APBB1IP: variants seen among roughly 807,000 people sequenced by gnomAD.
APBB1IP encodes the protein amyloid beta A4 precursor protein-binding family B member 1-interacting protein.
In APBB1IP, 27 loss-of-function variants were observed where a neutral mutation model predicts 64.9. That is an observed-to-expected ratio of 0.42 (90% CI 0.31 to 0.57). The LOEUF (loss-of-function observed/expected upper bound fraction) is 0.57, where lower values mean the gene tolerates loss of function less well. APBB1IP is among the 20% of genes least tolerant of loss of function. The pLI is 0.20. For synonymous variants in APBB1IP, 392 were observed against 331.0 expected (o/e 1.18, Z -2.00); for missense variants, 812 against 845.5 (o/e 0.96, Z 0.49).
chr10:26,546,940 A>T (rs780153875), intron 11 of APBB1IP, among the ~76,000 whole-genome samples: 4 of 152,218 alleles, frequency 2.6e-5, no homozygotes, highest in Non-Finnish European at 5.9e-5. Context: ...ATCATATGGT[A>T]GATGTATTTT....
At chr10:26,478,324 CA>C (rs1428915761) in intron 2 of APBB1IP, among the ~76,000 whole-genome samples, 2 of 152,074 alleles carry the variant, frequency 1.3e-5, no homozygotes, top group Non-Finnish European at 2.9e-5. Context: ...AGATAAAATC[CA>C]AGGGGCCAGT....
At position 26,547,396 on chromosome 10, in the gene APBB1IP, G is replaced by A. The variant is rs138172502; in HGVS notation, c.1155+5704G>A. On this transcript the variant is annotated intron_variant, in intron 11 of 14. Transcript: ENST00000376236. ...GTTTTCCTTGCTAGGCAGATTCACCGTTTTGGGTCTTTCTTTTTGTTGGTT... is the reference window on the plus strand; with the variant it reads ...GTTTTCCTTGCTAGGCAGATTCACCATTTTGGGTCTTTCTTTTTGTTGGTT... 3.4e-3 allele frequency among the ~76,000 whole-genome samples: 523 copies of A among 151,848 alleles called. 3 individuals are homozygous for A. The highest frequency in any genetic ancestry group is 5.5e-3 in the Non-Finnish European group (373 of 67,874).
chr10:26,498,952 A>G (rs1006303662), intron 4 of APBB1IP, among the ~76,000 whole-genome samples: 1 of 152,158 alleles, frequency 6.6e-6, no homozygotes, highest in Non-Finnish European at 1.5e-5. Flanking sequence ...AAACACTGCT[A>G]AAACAAGTTC....
At chr10:26,484,267 T>A (rs748075148) in intron 2 of APBB1IP, among the ~76,000 whole-genome samples, 54 of 152,290 alleles carry the variant, frequency 3.5e-4, no homozygotes, top group Middle Eastern at 3.4e-3. Flanking sequence ...AAGTTTTTTA[T>A]TTCATGCAGA....
At chr10:26,488,390 C>A (rs143063020) in intron 2 of APBB1IP, among the ~76,000 whole-genome samples, 1 of 152,058 alleles carries the variant, frequency 6.6e-6, no homozygotes, top group African/African-American at 2.4e-5. Context: ...CACGTGCCCC[C>A]ACACCTGGCT....
At chr10:26,539,238 C>A (rs1836666762) in intron 10 of APBB1IP, among the ~76,000 whole-genome samples, 1 of 151,904 alleles carries the variant, frequency 6.6e-6, no homozygotes, top group South Asian at 2.1e-4. Flanking sequence ...TAGGGAGACC[C>A]TGTCTGTACA....
chr10:26,447,034 T>A (rs1835407457), intron 2 of APBB1IP, among the ~76,000 whole-genome samples: 1 of 151,958 alleles, frequency 6.6e-6, no homozygotes, highest in African/African-American at 2.4e-5. Context: ...AGGACAGATA[T>A]TATGGGGGGA....
intron 2 of APBB1IP, among the ~76,000 whole-genome samples, chr10:26,479,603 A>G (rs1835812646): frequency 6.6e-6 from 1 of 152,208 alleles, no homozygotes; most frequent in Non-Finnish European, 1.5e-5. Flanking sequence ...AAAAAAAACA[A>G]TAAAAATAAA....
chr10:26,465,200 G>A (rs1329171092), intron 2 of APBB1IP, among the ~76,000 whole-genome samples: 1 of 152,214 alleles, frequency 6.6e-6, no homozygotes, highest in Non-Finnish European at 1.5e-5. Flanking sequence ...CCATAGGAAA[G>A]TGTGTGTCAG....
At position 26,562,342 on chromosome 10, in the gene APBB1IP, C is replaced by T. The variant is rs1836983867; in HGVS notation, c.1386C>T (p.Thr462=). The T allele has an allele frequency of 2.5e-6, 4 of 1,613,782 alleles. No individual in the cohort carries two copies. The highest frequency in any genetic ancestry group is 3.4e-6 in the Non-Finnish European group (4 of 1,179,816). The change falls in exon 14 of 15, where the codon ACC becomes ACT. Residue 462 remains threonine, a synonymous_variant. Transcript: ENST00000376236. ...AQPSTGPKTG[T]TQPNGQIPQA... ...CCCTCTCAGGACCTAAAACAGGCAC[C>T]ACCCAGCCCAATGGACAGATTCCCC...
intron 8 of APBB1IP, among the ~76,000 whole-genome samples, chr10:26,523,398 GTCT>G (rs1219357766): frequency 3.3e-5 from 5 of 152,200 alleles, no homozygotes; most frequent in Non-Finnish European, 5.9e-5. Context: ...TTTGTGATGA[GTCT>G]TCTTCTTTCT....
At chr10:26,443,307 C>T (rs1174629351) in intron 2 of APBB1IP, among the ~76,000 whole-genome samples, 1 of 151,794 alleles carries the variant, frequency 6.6e-6, no homozygotes, top group Admixed American at 6.6e-5. Context: ...GCCTGTAATC[C>T]CAGCCACTCG....
intron 10 of APBB1IP, among the ~76,000 whole-genome samples, chr10:26,540,120 GTA>G (rs1836679270): frequency 6.6e-6 from 1 of 152,160 alleles, no homozygotes; most frequent in African/African-American, 2.4e-5. Flanking sequence ...CACATGCACA[GTA>G]TTTTTTGTAA....
chr10:26,443,154 G>A (rs1456284464), intron 2 of APBB1IP, among the ~76,000 whole-genome samples: 1 of 152,166 alleles, frequency 6.6e-6, no homozygotes, highest in African/African-American at 2.4e-5. Flanking sequence ...GGGCGTGGTG[G>A]CTCACACTGG....
At chr10:26,513,439 C>T (rs1360273715) in intron 7 of APBB1IP, 100 bp from the exon 8 acceptor site, 14 of 1,331,598 alleles carry the variant, frequency 1.1e-5, no homozygotes, top group Non-Finnish European at 1.0e-6. Context: ...TCCCAGGCAC[C>T]TGATGAAAGT....
At chr10:26,558,983 G>T (rs1250624870) in intron 11 of APBB1IP, among the ~76,000 whole-genome samples, 1 of 152,170 alleles carries the variant, frequency 6.6e-6, no homozygotes, top group Non-Finnish European at 1.5e-5. Flanking sequence ...CCATCTGGAA[G>T]CCACTGGCCC....
At chr10:26,559,643 A>G (rs1180026577) in intron 11 of APBB1IP, among the ~76,000 whole-genome samples, 1 of 145,994 alleles carries the variant, frequency 6.8e-6, no homozygotes, top group East Asian at 2.0e-4. Flanking sequence ...TTTTTTTGAG[A>G]CAGAGTCTTG....
At chr10:26,538,681 T>C (rs1245529015) in intron 10 of APBB1IP, among the ~76,000 whole-genome samples, 1 of 150,908 alleles carries the variant, frequency 6.6e-6, no homozygotes, top group Non-Finnish European at 1.5e-5. Context: ...AAAAGAAAGG[T>C]ACCATGTTGC....
chr10:26,558,519 G>A (rs963301893), intron 11 of APBB1IP, among the ~76,000 whole-genome samples: 4 of 151,624 alleles, frequency 2.6e-5, no homozygotes, highest in Non-Finnish European at 5.9e-5. Context: ...GGTGGTTCAC[G>A]CATGTAATCC....
Sources: gnomAD v4.1 joint callset for allele counts (sites outside exome capture counted in the v4.1 genomes callset) on GRCh38, gnomAD v4.1.1 for gene constraint, MANE v1.5 for transcripts, NCBI Gene and HGNC (gene_info 2026-07-23, HGNC 2026-07-21) for gene names.